Variants in CNTN4 observed in about 807,000 individuals in gnomAD.
The protein encoded by CNTN4 is contactin-4.
Under a neutral mutation model 122.5 loss-of-function variants are expected in CNTN4, and 77 were observed. The observed-to-expected ratio is 0.63, with a 90% CI of 0.52 to 0.76. The LOEUF is 0.76. CNTN4 is among the 30% of genes least tolerant of loss of function. CNTN4 has a pLI of 0.00. For missense variants in CNTN4, 1,256 were observed against 1,259.1 expected (o/e 1.00, Z 0.04); for synonymous variants, 512 against 447.0 (o/e 1.15, Z -1.83).
intron 2 of CNTN4, among the ~76,000 whole-genome samples, chr3:2,194,689 G>A (rs2037753359): frequency 6.6e-6 from 1 of 152,168 alleles, no homozygotes; most frequent in African/African-American, 2.4e-5. Flanking sequence ...ATCATTATAA[G>A]GAGAGGGCCA....
chr3:2,670,536 A>G (rs1224097379), intron 4 of CNTN4, among the ~76,000 whole-genome samples: 4 of 148,606 alleles, frequency 2.7e-5, no homozygotes, highest in Admixed American at 2.1e-4. Context: ...ATGGATCTTG[A>G]CTCTTTATCC....
intron 2 of CNTN4, among the ~76,000 whole-genome samples, chr3:2,282,920 A>T (rs2041769893): frequency 6.6e-6 from 1 of 152,174 alleles, no homozygotes; most frequent in Non-Finnish European, 1.5e-5. Context: ...CTATGCCTTC[A>T]TGTATATGAA....
At chr3:3,038,256 C>T (rs1362780470) in intron 18 of CNTN4, among the ~76,000 whole-genome samples, 2 of 152,112 alleles carry the variant, frequency 1.3e-5, no homozygotes, top group Non-Finnish European at 2.9e-5. Flanking sequence ...ATTAATTCCC[C>T]TCAGCAATCC....
chr3:2,677,221 CTATA>C (rs1448758076), intron 4 of CNTN4, among the ~76,000 whole-genome samples: 2 of 147,960 alleles, frequency 1.4e-5, no homozygotes, highest in East Asian at 4.0e-4. Flanking sequence ...ATATATATAT[CTATA>C]TAGAGAGATC....
At chr3:2,445,845 C>G (rs973306100) in intron 3 of CNTN4, among the ~76,000 whole-genome samples, 3 of 152,072 alleles carry the variant, frequency 2.0e-5, no homozygotes, top group African/African-American at 7.2e-5. Flanking sequence ...ACTGACACTC[C>G]GGGATGCTGC....
chr3:2,177,630 C>T (rs2036810417), intron 2 of CNTN4, among the ~76,000 whole-genome samples: 1 of 148,692 alleles, frequency 6.7e-6, no homozygotes, highest in Non-Finnish European at 1.5e-5. Flanking sequence ...TTCAGAGAAG[C>T]AGAACCAATG....
At chr3:2,997,304 G>A (rs1287427184) in intron 14 of CNTN4, among the ~76,000 whole-genome samples, 1 of 152,214 alleles carries the variant, frequency 6.6e-6, no homozygotes, top group African/African-American at 2.4e-5. Flanking sequence ...AGAAGAAGAC[G>A]AGTTTGTGGT....
chr3:2,948,580 CAAA>C (rs113953485), intron 13 of CNTN4, among the ~76,000 whole-genome samples: 1 of 151,930 alleles, frequency 6.6e-6, no homozygotes, highest in Non-Finnish European at 1.5e-5. Context: ...GCTCTGAAAA[CAAA>C]AAAATATTTT....
intron 3 of CNTN4, among the ~76,000 whole-genome samples, chr3:2,346,433 T>C (rs576429524): frequency 6.6e-6 from 1 of 152,272 alleles, no homozygotes; most frequent in African/African-American, 2.4e-5. Context: ...GATTTTCTTA[T>C]ATACTGACCA....
chr3:2,752,523 G>A lies in CNTN4; in HGVS notation c.358+6826G>A, dbSNP rs564410853. On this transcript the variant is annotated intron_variant, in intron 6 of 24. Coordinates refer to ENST00000418658, the MANE Select transcript of CNTN4 (RefSeq NM_175607.3). ...TGGGAATACAGGCGCCCACCACCAC[G>A]CCCAGCTAATGTTTCTATTTTTATA... 3.3e-5 allele frequency among the ~76,000 whole-genome samples: 5 copies of A among 152,122 alleles called. No homozygotes were observed. In the South Asian group the frequency reaches 1.0e-3, roughly 32 times the overall value.
chr3:2,469,160 G>A (rs1040097967), intron 3 of CNTN4, among the ~76,000 whole-genome samples: 2 of 152,124 alleles, frequency 1.3e-5, no homozygotes, highest in Non-Finnish European at 2.9e-5. Context: ...AAGATGAATT[G>A]ACTAAGTTTC....
At position 2,395,096 on chromosome 3, in the gene CNTN4, A is replaced by G. The variant is rs367738501; in HGVS notation, c.-89+55863A>G. Reference sequence around the variant, plus strand: ...GCCACTGCACCCAGCCAGAATGTTAATAGCTTTATTCAAAGTAGCAAAAAT... The same window carrying G: ...GCCACTGCACCCAGCCAGAATGTTAGTAGCTTTATTCAAAGTAGCAAAAAT... On this transcript the variant is annotated intron_variant, in intron 3 of 24. Transcript: ENST00000418658. Among the ~76,000 whole-genome samples the G allele has an allele frequency of 2.3e-4, 35 of 152,258 alleles. No homozygotes were observed. In the South Asian group the frequency reaches 3.3e-3, roughly 14 times the overall value.
intron 7 of CNTN4, among the ~76,000 whole-genome samples, chr3:2,840,500 A>G (rs531510756): frequency 5.6e-4 from 78 of 139,080 alleles, no homozygotes; most frequent in African/African-American, 1.1e-3. Context: ...GGAGATCGAG[A>G]CCATCCTGGC....
intron 4 of CNTN4, among the ~76,000 whole-genome samples, chr3:2,612,801 C>T (rs2081556192): frequency 6.6e-6 from 1 of 151,940 alleles, no homozygotes; most frequent in African/African-American, 2.4e-5. Context: ...TTGTCAAATC[C>T]AACTATGCAA....
intron 4 of CNTN4, among the ~76,000 whole-genome samples, chr3:2,604,629 GA>G (rs2081183689): frequency 6.6e-6 from 1 of 152,148 alleles, no homozygotes; most frequent in African/African-American, 2.4e-5. Flanking sequence ...GATAGAAGAG[GA>G]AATGCAGAGC....
chr3:2,735,927 C>G (rs2089051418), intron 4 of CNTN4: 1 of 543,994 alleles, frequency 1.8e-6, no homozygotes, highest in African/African-American at 1.9e-5. Flanking sequence ...ACAAGCAGAA[C>G]AATACATAGA....
intron 3 of CNTN4, among the ~76,000 whole-genome samples, chr3:2,542,148 G>A (rs1302195072): frequency 6.6e-6 from 1 of 152,058 alleles, no homozygotes; most frequent in Non-Finnish European, 1.5e-5. Flanking sequence ...CATAACAGCT[G>A]GTTAAATTAT....
At chr3:2,287,711 G>GGAAGAAGAAGAA (rs56014308) in intron 2 of CNTN4, among the ~76,000 whole-genome samples, 61 of 65,482 alleles carry the variant, frequency 9.3e-4, no homozygotes, top group African/African-American at 3.4e-3. Context: ...AAGAAGAAGA[G>GGAAGAAGAAGAA]GAAGAAGAAG....
chr3:2,845,461 A>C (rs1162428802), intron 7 of CNTN4, among the ~76,000 whole-genome samples: 1 of 152,090 alleles, frequency 6.6e-6, no homozygotes, highest in Admixed American at 6.5e-5. Flanking sequence ...AGTTATATAT[A>C]AATATATAAA....
Sources: allele counts gnomAD v4.1 joint callset (sites outside exome capture counted in the v4.1 genomes callset), GRCh38; gene constraint gnomAD v4.1.1; transcripts MANE v1.5; gene names NCBI Gene and HGNC (gene_info 2026-07-23, HGNC 2026-07-21).